Variants in REC114 observed in about 807,000 individuals in gnomAD.
REC114 encodes the protein meiotic recombination protein REC114.
In REC114, 27 loss-of-function variants were observed where a neutral mutation model predicts 31.3. The ratio of observed to expected loss-of-function variants is 0.86; its 90% CI spans 0.64 to 1.19. REC114 has a LOEUF of 1.19. Among genes scored for constraint, REC114 ranks in the 50% most tolerant of loss-of-function variants. REC114 has a pLI of 0.00. For synonymous variants in REC114, 134 were observed against 127.7 expected, an observed-to-expected ratio of 1.05 and a Z score of -0.33; for missense variants, 344 against 326.9, an observed-to-expected ratio of 1.05 and a Z score of -0.40.
At chr15:73,463,943 A>AT (rs1003273138) in intron 1 of REC114, among the ~76,000 whole-genome samples, 1 of 152,128 alleles carries the variant, frequency 6.6e-6, no homozygotes, top group Admixed American at 6.5e-5. Flanking sequence ...CTAGTTATTG[A>AT]TTTTTTAAAA....
intron 5 of REC114, among the ~76,000 whole-genome samples, chr15:73,556,676 T>C (rs771097103): frequency 6.6e-6 from 1 of 152,166 alleles, no homozygotes; most frequent in Non-Finnish European, 1.5e-5. Context: ...TATAGAAAAT[T>C]TAATCACCAC....
rs534198222 is a variant in REC114 at position 73,536,074 on chromosome 15, T to C, written c.250-4411T>C. Among the ~76,000 whole-genome samples, 12 of 151,926 alleles carry C rather than the reference T, an allele frequency of 7.9e-5. 1 individual carries two copies. The East Asian group carries it at 2.3e-3, about 29-fold the overall frequency. ...GTTAGACCTAAAACCATAAAAACCC[T>C]GGAAGAAAACCTAGGCATTACCATT... is the stretch of plus-strand genomic sequence containing the variant. On this transcript the variant is annotated intron_variant, in intron 2 of 5. Transcript: ENST00000331090.
intron 2 of REC114, among the ~76,000 whole-genome samples, chr15:73,518,027 G>A (rs1237446807): frequency 6.6e-6 from 1 of 152,186 alleles, no homozygotes; most frequent in African/African-American, 2.4e-5. Flanking sequence ...GAATATTGCC[G>A]ATGCTGATAA....
At chr15:73,526,651 A>G (rs1894012561) in intron 2 of REC114, among the ~76,000 whole-genome samples, 1 of 152,178 alleles carries the variant, frequency 6.6e-6, no homozygotes, top group South Asian at 2.1e-4. Context: ...TTCATGAAAT[A>G]GCTTCTTCAA....
intron 3 of REC114, among the ~76,000 whole-genome samples, chr15:73,542,356 G>C (rs199887172): frequency 1.6e-5 from 2 of 127,106 alleles, no homozygotes; most frequent in African/African-American, 5.7e-5. Flanking sequence ...AAAAAAAAAA[G>C]AAAAAAGAAA....
chr15:73,516,936 A>G (rs1893866376), intron 2 of REC114, among the ~76,000 whole-genome samples: 1 of 152,138 alleles, frequency 6.6e-6, no homozygotes, highest in Non-Finnish European at 1.5e-5. Flanking sequence ...CATGTAAAGG[A>G]TTTTTATATG....
chr15:73,496,351 CAAAAAAAAAAAAA>C (rs539098846), intron 2 of REC114, among the ~76,000 whole-genome samples: 14 of 20,512 alleles, frequency 6.8e-4, no homozygotes, highest in Admixed American at 3.8e-3. Context: ...GACTCCTTCT[CAAAAAAAAAAAAA>C]AAAAAAAAAA....
At chr15:73,542,345 A>T (rs28496767) in intron 3 of REC114, among the ~76,000 whole-genome samples, 1 of 8,210 alleles carries the variant, frequency 1.2e-4, no homozygotes, top group Non-Finnish European at 2.6e-4. Context: ...AAAAAAAAAG[A>T]AAAAAAAAAA....
At chr15:73,468,291 GT>G (rs1300013973) in intron 1 of REC114, among the ~76,000 whole-genome samples, 1 of 151,994 alleles carries the variant, frequency 6.6e-6, no homozygotes, top group Non-Finnish European at 1.5e-5. Context: ...AATTTTCAAT[GT>G]GCTGGTCTTC....
intron 2 of REC114, among the ~76,000 whole-genome samples, chr15:73,532,614 G>T (rs1283430526): frequency 6.6e-6 from 1 of 151,972 alleles, no homozygotes; most frequent in African/African-American, 2.4e-5. Flanking sequence ...GTGTAAAAGT[G>T]TTCCTATTTC....
At chr15:73,535,244 CTG>C (rs1270067508) in intron 2 of REC114, among the ~76,000 whole-genome samples, 1 of 150,622 alleles carries the variant, frequency 6.6e-6, no homozygotes, top group Admixed American at 6.6e-5. Context: ...CAAATTGTCC[CTG>C]TTTGCAGACG....
At chr15:73,539,665 C>T (rs1467867135) in intron 2 of REC114, among the ~76,000 whole-genome samples, 1 of 151,852 alleles carries the variant, frequency 6.6e-6, no homozygotes, top group Non-Finnish European at 1.5e-5. Context: ...CAGCAGCCTT[C>T]CCTGGCTGTG....
At chr15:73,459,699 A>G (rs558217702) in intron 1 of REC114, among the ~76,000 whole-genome samples, 3 of 152,296 alleles carry the variant, frequency 2.0e-5, no homozygotes, top group South Asian at 2.1e-4. Context: ...GTTTTGGCCA[A>G]TGAAATGTGA....
At chr15:73,515,665 C>T (rs1419148047) in intron 2 of REC114, among the ~76,000 whole-genome samples, 1 of 152,076 alleles carries the variant, frequency 6.6e-6, no homozygotes, top group Non-Finnish European at 1.5e-5. Context: ...TCTCTTGGTG[C>T]ATGCACTGAA....
chr15:73,459,884 T>A (rs1443156439), intron 1 of REC114, among the ~76,000 whole-genome samples: 1 of 152,172 alleles, frequency 6.6e-6, no homozygotes. Flanking sequence ...GGATAGGTAA[T>A]GTAAGTGAGA....
At chr15:73,487,107 A>C (rs1893381667) in intron 2 of REC114, among the ~76,000 whole-genome samples, 1 of 151,870 alleles carries the variant, frequency 6.6e-6, no homozygotes, top group South Asian at 2.1e-4. Context: ...TGACTTAATC[A>C]CCTCTTAAAG....
chr15:73,451,792 A>G (rs1305588294), intron 1 of REC114, among the ~76,000 whole-genome samples: 1 of 152,218 alleles, frequency 6.6e-6, no homozygotes, highest in African/African-American at 2.4e-5. Flanking sequence ...ACCACGATCA[A>G]GTCAGCTTCA....
intron 1 of REC114, among the ~76,000 whole-genome samples, chr15:73,468,218 A>C (rs1893087345): frequency 6.6e-6 from 1 of 152,146 alleles, no homozygotes; most frequent in Non-Finnish European, 1.5e-5. Context: ...AATAATATTA[A>C]ATCTTCCTAT....
intron 2 of REC114, among the ~76,000 whole-genome samples, chr15:73,488,486 A>G (rs1428799411): frequency 6.6e-6 from 1 of 152,206 alleles, no homozygotes; most frequent in African/African-American, 2.4e-5. Flanking sequence ...AAGAGAGTCC[A>G]TACAGCACCT....
Sources: gnomAD v4.1 joint callset for allele counts (sites outside exome capture counted in the v4.1 genomes callset) on GRCh38, gnomAD v4.1.1 for gene constraint, MANE v1.5 for transcripts, NCBI Gene and HGNC (gene_info 2026-07-23, HGNC 2026-07-21) for gene names.